Variants in SLC35F1 observed in about 807,000 individuals in gnomAD.
SLC35F1 encodes chromosome 6 open reading frame 169.
SLC35F1 carries 14 observed loss-of-function variants against 48.7 expected under a neutral mutation model. The observed-to-expected ratio is 0.29, with a 90% CI of 0.19 to 0.45. The LOEUF is 0.45. SLC35F1 is among the 20% of genes least tolerant of loss of function. The pLI, the probability that SLC35F1 is intolerant of heterozygous loss-of-function variation, is 1.00. For synonymous variants in SLC35F1, 190 were observed against 202.2 expected, an observed-to-expected ratio of 0.94 and a Z score of 0.51; for missense variants, 404 against 500.0, an observed-to-expected ratio of 0.81 and a Z score of 1.83.
chr6:118,134,084 G>T (rs1348913130), intron 1 of SLC35F1, among the ~76,000 whole-genome samples: 1 of 152,192 alleles, frequency 6.6e-6, no homozygotes, highest in Non-Finnish European at 1.5e-5. Flanking sequence ...TTGAAAGTTT[G>T]AATCCTTATG....
chr6:118,006,903 A>G (rs1777181170), intron 1 of SLC35F1, among the ~76,000 whole-genome samples: 1 of 152,162 alleles, frequency 6.6e-6, no homozygotes, highest in Non-Finnish European at 1.5e-5. Context: ...ACATGTGTGT[A>G]AATGTTAATA....
intron 1 of SLC35F1, among the ~76,000 whole-genome samples, chr6:117,968,665 T>A (rs1318151911): frequency 6.6e-6 from 1 of 152,172 alleles, no homozygotes; most frequent in East Asian, 1.9e-4. Context: ...TACCCAATCT[T>A]TGGTATGTTT....
At chr6:118,186,981 T>C (rs1381308909) in intron 2 of SLC35F1, among the ~76,000 whole-genome samples, 3 of 152,360 alleles carry the variant, frequency 2.0e-5, no homozygotes, top group East Asian at 3.9e-4. Context: ...TGTTTTCCCA[T>C]ATCAATCCAA....
chr6:118,177,046 A>G (rs1293175126), intron 2 of SLC35F1, among the ~76,000 whole-genome samples: 1 of 152,104 alleles, frequency 6.6e-6, no homozygotes, highest in Non-Finnish European at 1.5e-5. Context: ...ACCTGACCAG[A>G]AGTTTTTCCA....
At chr6:118,160,317 T>C (rs1489780564) in intron 2 of SLC35F1, among the ~76,000 whole-genome samples, 1 of 152,234 alleles carries the variant, frequency 6.6e-6, no homozygotes, top group African/African-American at 2.4e-5. Flanking sequence ...CTTCCAATTT[T>C]GATAAAAGAC....
intron 1 of SLC35F1, among the ~76,000 whole-genome samples, chr6:117,994,498 C>T (rs1776960001): frequency 6.6e-6 from 1 of 152,210 alleles, no homozygotes; most frequent in South Asian, 2.1e-4. Context: ...TAGACCTCCT[C>T]ACAAGAGCTA....
intron 1 of SLC35F1, among the ~76,000 whole-genome samples, chr6:118,027,827 T>G (rs1468112348): frequency 2.0e-5 from 3 of 152,096 alleles, no homozygotes; most frequent in Non-Finnish European, 2.9e-5. Flanking sequence ...TTTGTATTGT[T>G]TCTTTTATGG....
intron 1 of SLC35F1, among the ~76,000 whole-genome samples, chr6:118,016,186 G>A (rs879757638): frequency 4.6e-5 from 7 of 151,964 alleles, no homozygotes; most frequent in Non-Finnish European, 7.4e-5. Flanking sequence ...TCTTGGAATC[G>A]GTTTGCTGTA....
At chr6:118,165,967 A>T (rs1183244551) in intron 2 of SLC35F1, among the ~76,000 whole-genome samples, 1 of 152,206 alleles carries the variant, frequency 6.6e-6, no homozygotes, top group African/African-American at 2.4e-5. Context: ...TAAGGCCATC[A>T]CAGTGGAAAC....
At chr6:118,089,067 G>A (rs901910006) in intron 1 of SLC35F1, among the ~76,000 whole-genome samples, 1 of 152,152 alleles carries the variant, frequency 6.6e-6, no homozygotes, top group Non-Finnish European at 1.5e-5. Flanking sequence ...AAGAAATCAT[G>A]GTGCCTAGAA....
intron 6 of SLC35F1, among the ~76,000 whole-genome samples, chr6:118,284,011 C>T (rs1375023613): frequency 6.6e-6 from 1 of 152,186 alleles, no homozygotes; most frequent in African/African-American, 2.4e-5. Context: ...AGTTTACTTA[C>T]TTATGTTCAG....
chr6:118,134,591 G>A (rs1329473675), intron 1 of SLC35F1, among the ~76,000 whole-genome samples: 5 of 152,142 alleles, frequency 3.3e-5, no homozygotes, highest in Non-Finnish European at 7.3e-5. Context: ...GTGAACTTGC[G>A]GCAGAGACCT....
At chr6:118,214,038 T>G (rs1775041282) in intron 2 of SLC35F1, among the ~76,000 whole-genome samples, 1 of 152,200 alleles carries the variant, frequency 6.6e-6, no homozygotes, top group South Asian at 2.1e-4. Flanking sequence ...GCCAATTACT[T>G]TTCTGTAGTT....
chr6:118,102,713 T>A (rs999370609), intron 1 of SLC35F1, among the ~76,000 whole-genome samples: 1 of 152,156 alleles, frequency 6.6e-6, no homozygotes, highest in Admixed American at 6.5e-5. Context: ...ATTCCTCCTC[T>A]CCTCCCTGAG....
At chr6:117,908,681 T>A (rs1775727285) in intron 1 of SLC35F1, among the ~76,000 whole-genome samples, 1 of 152,180 alleles carries the variant, frequency 6.6e-6, no homozygotes, top group African/African-American at 2.4e-5. Context: ...GACGTGAAAA[T>A]GGGGGTACCT....
At chr6:118,092,251 C>A (rs1773084649) in intron 1 of SLC35F1, among the ~76,000 whole-genome samples, 1 of 152,158 alleles carries the variant, frequency 6.6e-6, no homozygotes, top group South Asian at 2.1e-4. Flanking sequence ...TTCCTCCAGC[C>A]CCTCTCATCA....
intron 1 of SLC35F1, among the ~76,000 whole-genome samples, chr6:118,137,887 C>T (rs1161601270): frequency 6.6e-6 from 1 of 152,188 alleles, no homozygotes; most frequent in Non-Finnish European, 1.5e-5. Flanking sequence ...TAGGTAATGT[C>T]TGCCTTTACC....
intron 2 of SLC35F1, among the ~76,000 whole-genome samples, chr6:118,217,569 G>T (rs1285411393): frequency 2.0e-5 from 3 of 152,038 alleles, no homozygotes; most frequent in African/African-American, 7.2e-5. Flanking sequence ...ACAACAATGC[G>T]AATTTACTTA....
intron 2 of SLC35F1, among the ~76,000 whole-genome samples, chr6:118,191,045 T>C (rs115852142): frequency 0.018 from 2,779 of 152,260 alleles, 73 homozygotes; most frequent in African/African-American, 0.063. Flanking sequence ...TTCTAGTCAT[T>C]GCCTCTTTTA....
Sources: allele counts gnomAD v4.1 joint callset (sites outside exome capture counted in the v4.1 genomes callset), GRCh38; gene constraint gnomAD v4.1.1; transcripts MANE v1.5; gene names NCBI Gene and HGNC (gene_info 2026-07-23, HGNC 2026-07-21).